The following FYTTD1 variants were observed in gnomAD, a reference collection of about 807,000 sequenced individuals.
FYTTD1 encodes forty-two-three domain containing 1, also known as UAP56-interacting factor.
FYTTD1 carries 22 observed loss-of-function variants against 40.9 expected under a neutral mutation model. The ratio of observed to expected loss-of-function variants is 0.54; its 90% confidence interval spans 0.38 to 0.77. FYTTD1 has a LOEUF of 0.77. Ranked by LOEUF, FYTTD1 falls within the 30% of genes least tolerant of loss-of-function variation. The probability of loss-of-function intolerance (pLI) is 0.00; values close to 1 mark genes in which losing one functional copy is unlikely to be tolerated. For missense variants in FYTTD1, 351 were observed against 392.2 expected (o/e 0.90, Z 0.89); for synonymous variants, 140 against 137.9 (o/e 1.01, Z -0.10).
In FYTTD1 at chr3:197,773,615, A is replaced by G. The variant is rs73892110; in HGVS notation, c.594+116A>G. 3,491 of 618,598 alleles carry G rather than the reference A, an allele frequency of 5.6e-3. 70 individuals are homozygous for G. Among genetic ancestry groups the G allele is most frequent in the African/African-American group, 0.054 (2,910 of 53,940 alleles). 38.3% of individuals were successfully genotyped at this position (618,598 alleles called of 1,614,324 possible). The stretch of plus-strand genomic sequence containing the variant: ...TAGGCAGCATTGGGTTCAGGATGTG[A>G]GGCACGTGGTAGTAGATTAGTTCTT... On this transcript the variant is annotated intron_variant, in intron 5 of 8. Coordinates refer to ENST00000241502, the MANE Select transcript of FYTTD1 (RefSeq NM_032288.7).
intron 5 of FYTTD1, 130 bp from the exon 6 acceptor site, chr3:197,774,019 G>C: frequency 1.3e-6 from 1 of 755,350 alleles, no homozygotes; most frequent in Non-Finnish European, 2.3e-6. Context: ...GGAAGTTGTA[G>C]AATAGCGCAG....
At chr3:197,764,292 C>G (rs1729473983) in intron 2 of FYTTD1, among the ~76,000 whole-genome samples, 1 of 152,132 alleles carries the variant, frequency 6.6e-6, no homozygotes, top group Non-Finnish European at 1.5e-5. Flanking sequence ...ATACATTTTT[C>G]TTACTTTATG....
At chr3:197,767,295 C>A (rs916238686) in intron 2 of FYTTD1, among the ~76,000 whole-genome samples, 2 of 151,478 alleles carry the variant, frequency 1.3e-5, no homozygotes, top group African/African-American at 4.8e-5. Context: ...CCCGCCACCA[C>A]GCCTGGCTAA....
At chr3:197,758,006 C>T (rs1268784063) in intron 2 of FYTTD1, among the ~76,000 whole-genome samples, 9 of 152,192 alleles carry the variant, frequency 5.9e-5, no homozygotes, top group African/African-American at 1.2e-4. Context: ...CGGGTTCAAG[C>T]GATTCTCCTG....
At chr3:197,767,359 C>T (rs1337571187) in intron 2 of FYTTD1, among the ~76,000 whole-genome samples, 6 of 150,876 alleles carry the variant, frequency 4.0e-5, no homozygotes, top group Admixed American at 2.6e-4. Flanking sequence ...AGGATGGTCT[C>T]GATCTCCTGA....
chr3:197,780,606 G>C (rs779375566), intron 8 of FYTTD1, among the ~76,000 whole-genome samples: 2 of 151,536 alleles, frequency 1.3e-5, no homozygotes, highest in Non-Finnish European at 2.9e-5. Flanking sequence ...GCAGTGGCAT[G>C]ATCTTGGCTG....
At chr3:197,772,341 A>G (rs1019768933) in intron 4 of FYTTD1, among the ~76,000 whole-genome samples, 4 of 152,330 alleles carry the variant, frequency 2.6e-5, no homozygotes, top group Admixed American at 2.0e-4. Flanking sequence ...ATATTTATCA[A>G]TACATCAGTT....
chr3:197,769,053 C>T (rs937276258), intron 3 of FYTTD1, among the ~76,000 whole-genome samples: 3 of 150,708 alleles, frequency 2.0e-5, no homozygotes, highest in African/African-American at 4.9e-5. Context: ...GCGTGAGCCA[C>T]CGTGCCTGGC....
chr3:197,771,407 C>T (rs1729711444), intron 4 of FYTTD1, among the ~76,000 whole-genome samples: 1 of 152,136 alleles, frequency 6.6e-6, no homozygotes, highest in African/African-American at 2.4e-5. Flanking sequence ...CCTGTATTCC[C>T]AGCACTTTGG....
intron 2 of FYTTD1, among the ~76,000 whole-genome samples, chr3:197,767,332 G>A (rs1360281599): frequency 6.6e-6 from 1 of 151,436 alleles, no homozygotes; most frequent in Non-Finnish European, 1.5e-5. Flanking sequence ...TACAGATGGG[G>A]TTTCACTGTG....
rs1218727293 is a variant in FYTTD1, at chr3:197,783,050, TATATG to T, written c.*1142_*1146del. On this transcript the variant is annotated 3_prime_UTR_variant, in exon 9 of 9. Coordinates refer to ENST00000241502, the MANE Select transcript of FYTTD1 (RefSeq NM_032288.7). ...TGTTGTTTACCTTTCACTGATTTCTTATATGGTATAAATTAAAGTTCAGGCATTTA... is the reference window on the plus strand; with the variant it reads ...TGTTGTTTACCTTTCACTGATTTCTTGTATAAATTAAAGTTCAGGCATTTA... 6 of 152,626 alleles carry T rather than the reference TATATG, an allele frequency of 3.9e-5. No homozygotes were observed. Among genetic ancestry groups the T allele is most frequent in the African/African-American group, 1.4e-4 (6 of 41,444 alleles). 9.5% of individuals were successfully genotyped at this position (152,626 alleles called of 1,614,324 possible).
At chr3:197,770,995 A>G (rs1407773714) in intron 4 of FYTTD1, among the ~76,000 whole-genome samples, 2 of 152,248 alleles carry the variant, frequency 1.3e-5, no homozygotes, top group Non-Finnish European at 2.9e-5. Context: ...GAAAGGGAGA[A>G]TTCTTCATGA....
chr3:197,784,767 G>T lies in FYTTD1; in HGVS notation c.*2858G>T, dbSNP rs1006789624. 3.3e-5 allele frequency: 5 copies of T among 151,970 alleles called. No homozygotes were observed. The highest frequency in any genetic ancestry group is 1.2e-4 in the African/African-American group (5 of 41,340). 9.4% of individuals were successfully genotyped at this position (151,970 alleles called of 1,614,324 possible). ...GACCACGCCATTGCACTCCAGCCTG[G>T]GTGACAGAGTGACACTCTGTCTTAA... On this transcript the variant is annotated 3_prime_UTR_variant, in exon 9 of 9. Transcript: ENST00000241502.
chr3:197,773,361 G>A (rs1056604046), intron 4 of FYTTD1, 42 bp from the exon 5 acceptor site: 1 of 1,179,116 alleles, frequency 8.5e-7, no homozygotes. Flanking sequence ...ATGTTTGAAA[G>A]TAGTTAAATG....
chr3:197,764,884 C>T (rs929622696), intron 2 of FYTTD1, among the ~76,000 whole-genome samples: 23 of 151,008 alleles, frequency 1.5e-4, no homozygotes, highest in Non-Finnish European at 2.7e-4. Context: ...GGAGTCTTGC[C>T]CTGTCACCCA....
At position 197,787,070 on chromosome 3, in the gene FYTTD1, A is replaced by T. The variant is rs559535330; in HGVS notation, c.*5161A>T. The T allele has an allele frequency of 1.3e-5, 2 of 149,260 alleles. No homozygotes were observed. The highest frequency in any genetic ancestry group is 4.0e-4 in the East Asian group (2 of 5,002). 9.2% of individuals were successfully genotyped at this position (149,260 alleles called of 1,614,324 possible). ...TGCCTCAGCTTCCCAAAGTGCTGGGATTACAGGTGTGAGCCACCACGCCCG... is the reference window on the plus strand; with the variant it reads ...TGCCTCAGCTTCCCAAAGTGCTGGGTTTACAGGTGTGAGCCACCACGCCCG... On this transcript the variant is annotated 3_prime_UTR_variant, in exon 9 of 9. Transcript: ENST00000241502.
chr3:197,754,573 A>G (rs1729156798), intron 1 of FYTTD1, among the ~76,000 whole-genome samples: 1 of 151,634 alleles, frequency 6.6e-6, no homozygotes, highest in African/African-American at 2.4e-5. Flanking sequence ...TGTTGACTGT[A>G]TGCAATTTCT....
chr3:197,754,987 C>G (rs1729169069), intron 1 of FYTTD1, among the ~76,000 whole-genome samples: 1 of 152,118 alleles, frequency 6.6e-6, no homozygotes, highest in African/African-American at 2.4e-5. Context: ...TTTTTGGCTT[C>G]TAGTAACCTC....
At chr3:197,752,598 A>G (rs1278405806) in intron 1 of FYTTD1, among the ~76,000 whole-genome samples, 1 of 152,106 alleles carries the variant, frequency 6.6e-6, no homozygotes, top group African/African-American at 2.4e-5. Flanking sequence ...TACATACACT[A>G]CATATATGTG....
Sources: allele counts gnomAD v4.1 joint callset (sites outside exome capture counted in the v4.1 genomes callset), GRCh38; gene constraint gnomAD v4.1.1; transcripts MANE v1.5; gene names NCBI Gene and HGNC (gene_info 2026-07-23, HGNC 2026-07-21).